CREB3L2: variants seen among roughly 807,000 people sequenced by gnomAD.
CREB3L2 encodes cAMP responsive element binding protein 3 like 2.
In CREB3L2, 23 loss-of-function variants were observed where a neutral mutation model predicts 57.2. The observed-to-expected ratio is 0.40, with a 90% CI of 0.29 to 0.57. The LOEUF (loss-of-function observed/expected upper bound fraction) is 0.57. Ranked by LOEUF, CREB3L2 falls within the 20% of genes least tolerant of loss-of-function variation. The pLI is 0.42. For missense variants in CREB3L2, 628 were observed against 634.7 expected, an observed-to-expected ratio of 0.99 and a Z score of 0.11; for synonymous variants, 268 against 265.1, an observed-to-expected ratio of 1.01 and a Z score of -0.11.
chr7:137,974,485 C>T (rs79052048), intron 1 of CREB3L2, among the ~76,000 whole-genome samples: 2,018 of 152,074 alleles, frequency 0.013, 19 homozygotes, highest in South Asian at 0.036. Context: ...ATGGATGGAG[C>T]GCAGATTGTC....
chr7:137,896,112 AT>A (rs1225065193), intron 8 of CREB3L2, among the ~76,000 whole-genome samples: 6 of 152,184 alleles, frequency 3.9e-5, no homozygotes, highest in African/African-American at 1.4e-4. Flanking sequence ...AGGGCAGGGC[AT>A]TGCCAATGCT....
chr7:137,882,363 C>T (rs1347389794), intron 11 of CREB3L2, 49 bp downstream of exon 11: 3 of 1,437,830 alleles, frequency 2.1e-6, no homozygotes, highest in Admixed American at 3.5e-5. Context: ...TGACTCATAA[C>T]CCACCATCAG....
At chr7:137,967,162 C>T (rs376821738) in intron 1 of CREB3L2, among the ~76,000 whole-genome samples, 2 of 152,348 alleles carry the variant, frequency 1.3e-5, no homozygotes, top group South Asian at 2.1e-4. Context: ...AGTCAGGAAG[C>T]GGGCGCTCAC....
intron 1 of CREB3L2, among the ~76,000 whole-genome samples, chr7:137,951,229 G>A (rs191051971): frequency 1.4e-3 from 210 of 152,282 alleles, no homozygotes; most frequent in Non-Finnish European, 2.4e-3. Context: ...CAGTGCTGAA[G>A]TGCTATCTAG....
intron 1 of CREB3L2, among the ~76,000 whole-genome samples, chr7:137,933,050 A>G (rs939691456): frequency 1.3e-5 from 2 of 152,208 alleles, no homozygotes; most frequent in Non-Finnish European, 2.9e-5. Flanking sequence ...CTAAGATTAG[A>G]ACCAGACTTC....
chr7:137,969,095 G>C (rs974945371), intron 1 of CREB3L2, among the ~76,000 whole-genome samples: 1 of 152,132 alleles, frequency 6.6e-6, no homozygotes. Context: ...CTCAAATCTG[G>C]AACTCCAGCA....
intron 7 of CREB3L2, among the ~76,000 whole-genome samples, chr7:137,902,106 G>A (rs1255778720): frequency 2.1e-5 from 3 of 143,428 alleles, no homozygotes; most frequent in Non-Finnish European, 4.5e-5. Flanking sequence ...AGACAGAAGA[G>A]TCACTTGAAC....
Position 137,901,377 on chromosome 7 carries a change from T to G in CREB3L2, c.1020A>C (p.Val340=), listed in dbSNP as rs371958796. 6 of 1,606,260 alleles carry G rather than the reference T, an allele frequency of 3.7e-6. No homozygotes were observed. In the African/African-American group the frequency reaches 6.7e-5, roughly 18 times the overall value. Residue 340 remains valine, a synonymous_variant, in exon 8 of 12, where the codon GTA becomes GTC. Coordinates refer to ENST00000330387, the MANE Select transcript of CREB3L2 (RefSeq NM_194071.4). ...ACCTATTAGTGTTCTCTAGAACCTC[T>G]ACCTTCTTCCGAAGCTCCAAGTTCT... ...STENLELRKK[V]EVLENTNRTL...
Position 137,931,644 on chromosome 7 carries a change from C to T in CREB3L2, c.103-3278G>A, listed in dbSNP as rs559326456. ...GTCAGGAGTTCGAGGCTGGCCTGGC[C>T]AACATGGTGAAACTCCATCTCTACT... On this transcript the variant is annotated intron_variant, in intron 1 of 11. Transcript: ENST00000330387. Among the ~76,000 whole-genome samples, 6 of 151,638 alleles carry T rather than the reference C, an allele frequency of 4.0e-5. No individual in the cohort carries two copies. In the East Asian group the frequency reaches 1.2e-3, roughly 30 times the overall value.
intron 1 of CREB3L2, among the ~76,000 whole-genome samples, chr7:137,946,962 TTATATATATAGTTA>T (rs1465558233): frequency 0.066 from 3,036 of 46,036 alleles, 335 homozygotes; most frequent in East Asian, 0.28. Flanking sequence ...ATATATATAG[TTATATATATAGTTA>T]TATATATATA....
intron 2 of CREB3L2, among the ~76,000 whole-genome samples, chr7:137,922,419 T>TATATATATATATATATATATATAC (rs1800332550): frequency 8.9e-5 from 9 of 101,106 alleles, no homozygotes; most frequent in South Asian, 5.4e-4. Context: ...TATATATGTA[T>TATATATATATATATATATATATAC]ATATATATAT....
At chr7:137,965,758 AC>A (rs1801397278) in intron 1 of CREB3L2, among the ~76,000 whole-genome samples, 1 of 152,152 alleles carries the variant, frequency 6.6e-6, no homozygotes, top group Non-Finnish European at 1.5e-5. Flanking sequence ...ATCCCACTCC[AC>A]TTAAAACTAT....
chr7:137,947,087 GCT>G (rs10677518), intron 1 of CREB3L2, among the ~76,000 whole-genome samples: 6 of 132,492 alleles, frequency 4.5e-5, no homozygotes, highest in Admixed American at 8.5e-5. Context: ...AAGCCCTAGC[GCT>G]CTCTCTCTCT....
At chr7:137,888,183 G>A (rs1007652100) in intron 8 of CREB3L2, among the ~76,000 whole-genome samples, 3 of 152,084 alleles carry the variant, frequency 2.0e-5, no homozygotes, top group African/African-American at 4.8e-5. Context: ...CAGCTCGTCT[G>A]GAACTTCTGA....
intron 2 of CREB3L2, chr7:137,922,790 T>C: frequency 4.1e-6 from 1 of 245,408 alleles, no homozygotes; most frequent in Admixed American, 4.1e-5. Context: ...GAAAATTTTA[T>C]AAATTAAATA....
At chr7:137,972,040 T>C (rs1277894165) in intron 1 of CREB3L2, among the ~76,000 whole-genome samples, 1 of 152,094 alleles carries the variant, frequency 6.6e-6, no homozygotes, top group Non-Finnish European at 1.5e-5. Flanking sequence ...AATAGCTATG[T>C]AAAAGAAGTA....
intron 1 of CREB3L2, among the ~76,000 whole-genome samples, chr7:137,981,252 G>A (rs1481586251): frequency 6.6e-6 from 1 of 152,216 alleles, no homozygotes; most frequent in Non-Finnish European, 1.5e-5. Flanking sequence ...CCTGGGTGGA[G>A]AATAGGAAGG....
chr7:137,936,352 T>C (rs1356530176), intron 1 of CREB3L2, among the ~76,000 whole-genome samples: 1 of 152,158 alleles, frequency 6.6e-6, no homozygotes. Flanking sequence ...ACCAGACCAG[T>C]TAGGGACAGG....
Position 137,928,193 on chromosome 7 carries a change from C to A in CREB3L2, c.276G>T (p.Gln92His), listed in dbSNP as rs1800521277. The change falls in exon 2 of 12, where the codon CAG becomes CAT. Residue 92 changes from glutamine (Q) to histidine (H), a missense_variant. By Grantham distance (24) the Gln-to-His change is conservative. Coordinates refer to ENST00000330387, the MANE Select transcript of CREB3L2 (RefSeq NM_194071.4). ...TGGTGGTAATGTGGGTGAAGGGCGACTGGGCCCGAGGCTCCTCGCACAGGG... is the reference window on the plus strand; with the variant it reads ...TGGTGGTAATGTGGGTGAAGGGCGAATGGGCCCGAGGCTCCTCGCACAGGG... ...SYSLCEEPRA[Q>H]SPFTHITTSD... 1.3e-6 allele frequency: 2 copies of A among 1,598,980 alleles called. No homozygotes were observed. The highest frequency in any genetic ancestry group is 1.7e-6 in the Non-Finnish European group (2 of 1,171,714).
Sources: allele counts gnomAD v4.1 joint callset (sites outside exome capture counted in the v4.1 genomes callset), GRCh38; gene constraint gnomAD v4.1.1; transcripts MANE v1.5; gene names NCBI Gene and HGNC (gene_info 2026-07-23, HGNC 2026-07-21).